Variants in OXCT1 observed in about 807,000 individuals in gnomAD.
The protein encoded by OXCT1 is succinyl-CoA:3-ketoacid coenzyme A transferase 1, mitochondrial.
In OXCT1, 27 loss-of-function variants were observed where a neutral mutation model predicts 69.6. That is an observed-to-expected ratio of 0.39 (90% CI 0.29 to 0.54). OXCT1 has a LOEUF of 0.54. Among genes scored for constraint, OXCT1 ranks in the 20% least tolerant of loss-of-function variants. OXCT1 has a pLI of 0.72. For missense variants in OXCT1, 437 were observed against 650.2 expected (o/e 0.67, Z 3.57); for synonymous variants, 202 against 217.8 (o/e 0.93, Z 0.64).
Position 41,853,494 on chromosome 5 carries a change from A to T in OXCT1, c.339T>A (p.Ser113=). The stretch of plus-strand genomic sequence containing the variant: ...ATTCTGCATTTTCTCCCACATATGA[A>T]GAGACCATGCGTTTTATCTGCTTGG... ...LRSKQIKRMV[S]SYVGENAEFE... Residue 113 remains serine (S), a synonymous_variant, in exon 4 of 17, where the codon TCT becomes TCA. Transcript: ENST00000196371. The T allele has an allele frequency of 6.2e-7, 1 of 1,613,768 alleles. No homozygotes were observed. Among genetic ancestry groups the T allele is most frequent in the Non-Finnish European group, 8.5e-7 (1 of 1,179,700 alleles).
intron 15 of OXCT1, among the ~76,000 whole-genome samples, chr5:41,743,701 T>C (rs933871537): frequency 3.9e-5 from 6 of 152,216 alleles, no homozygotes; most frequent in African/African-American, 1.4e-4. Context: ...TACATATGGC[T>C]AGCCAGTTTT....
At chr5:41,770,977 TGAACCTGAACAAAC>T (rs1744847824) in intron 13 of OXCT1, among the ~76,000 whole-genome samples, 1 of 152,184 alleles carries the variant, frequency 6.6e-6, no homozygotes, top group African/African-American at 2.4e-5. Context: ...CTATTGCAAA[TGAACCTGAACAAAC>T]AAAAATGTAA....
chr5:41,805,173 A>G (rs1248553283), intron 9 of OXCT1, among the ~76,000 whole-genome samples: 1 of 152,024 alleles, frequency 6.6e-6, no homozygotes, highest in African/African-American at 2.4e-5. Flanking sequence ...TGGATCTTTC[A>G]ATGAGTATGC....
intron 5 of OXCT1, among the ~76,000 whole-genome samples, chr5:41,844,558 C>T (rs1248349021): frequency 6.6e-6 from 1 of 152,038 alleles, no homozygotes; most frequent in Non-Finnish European, 1.5e-5. Context: ...AGCCCCTAGA[C>T]ACTCATCTAG....
chr5:41,820,705 T>C (rs2112329319), intron 7 of OXCT1, among the ~76,000 whole-genome samples: 1 of 152,262 alleles, frequency 6.6e-6, no homozygotes. Context: ...GTCTCTTTGT[T>C]CCATGCAGAA....
At chr5:41,853,319 T>C (rs1749271384) in intron 4 of OXCT1, 100 bp downstream of exon 4, 1 of 1,057,556 alleles carries the variant, frequency 9.5e-7, no homozygotes, top group Admixed American at 1.9e-5. Flanking sequence ...CAAAGTACTA[T>C]TCCTTCTGCC....
At chr5:41,800,944 C>T (rs1007180235) in intron 11 of OXCT1, 78 bp downstream of exon 11, 5 of 1,270,876 alleles carry the variant, frequency 3.9e-6, no homozygotes, top group Admixed American at 1.7e-5. Context: ...CAGGAAAAGA[C>T]AAAGAATTGA....
At chr5:41,786,858 CA>C (rs903529280) in intron 13 of OXCT1, among the ~76,000 whole-genome samples, 1 of 152,130 alleles carries the variant, frequency 6.6e-6, no homozygotes, top group Admixed American at 6.5e-5. Flanking sequence ...TACTCATTAT[CA>C]ATGTTGTTTT....
intron 7 of OXCT1, among the ~76,000 whole-genome samples, chr5:41,823,943 G>A (rs1184598200): frequency 6.6e-6 from 1 of 152,122 alleles, no homozygotes; most frequent in Non-Finnish European, 1.5e-5. Flanking sequence ...ATTTATGAAA[G>A]TATTAACATT....
intron 16 of OXCT1, among the ~76,000 whole-genome samples, chr5:41,733,914 G>A (rs1397153074): frequency 1.3e-5 from 2 of 152,172 alleles, no homozygotes; most frequent in Non-Finnish European, 1.5e-5. Flanking sequence ...AGCTATAGAA[G>A]ACAAGCCAAT....
intron 9 of OXCT1, among the ~76,000 whole-genome samples, chr5:41,803,637 TA>T (rs1288841822): frequency 6.6e-6 from 1 of 152,118 alleles, no homozygotes; most frequent in Non-Finnish European, 1.5e-5. Context: ...AATTTCTGCC[TA>T]AAAGTATATC....
At chr5:41,819,693 T>C (rs1376583888) in intron 7 of OXCT1, among the ~76,000 whole-genome samples, 1 of 151,462 alleles carries the variant, frequency 6.6e-6, no homozygotes, top group Non-Finnish European at 1.5e-5. Context: ...ACAATCTATG[T>C]CCTCATTTGC....
chr5:41,862,431 C>T (rs371868105), intron 2 of OXCT1, among the ~76,000 whole-genome samples: 23 of 151,828 alleles, frequency 1.5e-4, no homozygotes, highest in African/African-American at 4.4e-4. Context: ...CACACATGCA[C>T]GCACACAGAG....
chr5:41,731,922 T>C (rs1039789029), intron 16 of OXCT1, 152 bp from the exon 17 acceptor site: 35 of 999,814 alleles, frequency 3.5e-5, no homozygotes, highest in South Asian at 3.0e-4. Context: ...TCCTGAAACA[T>C]TGAGACAGAA....
chr5:41,839,360 T>C (rs566188285), intron 7 of OXCT1, among the ~76,000 whole-genome samples: 1 of 152,318 alleles, frequency 6.6e-6, no homozygotes, highest in East Asian at 1.9e-4. Context: ...AAACTATTGA[T>C]TATTTTAAGC....
chr5:41,781,400 T>C (rs1284184114), intron 13 of OXCT1, among the ~76,000 whole-genome samples: 2 of 150,076 alleles, frequency 1.3e-5, no homozygotes, highest in Admixed American at 6.6e-5. Flanking sequence ...AGCTGAGGTC[T>C]AGAAAGATAA....
At chr5:41,833,524 GA>G (rs70988870) in intron 7 of OXCT1, among the ~76,000 whole-genome samples, 11 of 137,520 alleles carry the variant, frequency 8.0e-5, no homozygotes, top group East Asian at 2.1e-4. Flanking sequence ...TCTTTGATCT[GA>G]AAAAAAAAAA....
chr5:41,750,135 G>GTTTTTTTTTTTTTT (rs11291155), intron 14 of OXCT1, among the ~76,000 whole-genome samples: 29 of 73,912 alleles, frequency 3.9e-4, no homozygotes, highest in Non-Finnish European at 4.7e-4. Flanking sequence ...GTGTTTTTTG[G>GTTTTTTTTTTTTTT]TTTTTTTTTT....
chr5:41,731,891 G>C (rs1742652022), intron 16 of OXCT1, 121 bp from the exon 17 acceptor site: 1 of 1,184,066 alleles, frequency 8.4e-7, no homozygotes, highest in Non-Finnish European at 1.2e-6. Flanking sequence ...ACATTCCCTG[G>C]AGTTTCCATA....
Sources: gnomAD v4.1 joint callset for allele counts (sites outside exome capture counted in the v4.1 genomes callset) on GRCh38, gnomAD v4.1.1 for gene constraint, MANE v1.5 for transcripts, NCBI Gene and HGNC (gene_info 2026-07-23, HGNC 2026-07-21) for gene names.